CACNA2D1: variants seen among roughly 807,000 people sequenced by gnomAD.
The protein encoded by CACNA2D1 is voltage-dependent calcium channel subunit alpha-2/delta-1.
Under a neutral mutation model 171.5 loss-of-function variants are expected in CACNA2D1, and 53 were observed. The observed-to-expected ratio is 0.31, with a 90% CI of 0.25 to 0.39. The LOEUF is 0.39. Ranked by LOEUF, CACNA2D1 falls within the 10% of genes least tolerant of loss-of-function variation. The pLI is 1.00. For missense variants in CACNA2D1, 903 were observed against 1,299.8 expected, an observed-to-expected ratio of 0.69 and a Z score of 4.69; for synonymous variants, 442 against 443.1, an observed-to-expected ratio of 1.00 and a Z score of 0.03.
intron 3 of CACNA2D1, among the ~76,000 whole-genome samples, chr7:82,295,979 A>T (rs1812229477): frequency 1.3e-5 from 2 of 152,002 alleles, no homozygotes; most frequent in South Asian, 4.2e-4. Context: ...TGAAATTGGA[A>T]ATCATCATTC....
intron 1 of CACNA2D1, among the ~76,000 whole-genome samples, chr7:82,420,903 T>A (rs1828660761): frequency 6.6e-6 from 1 of 152,082 alleles, no homozygotes; most frequent in South Asian, 2.1e-4. Context: ...GGATAACACA[T>A]AACCATCTTT....
In CACNA2D1 at chr7:82,318,361, A is replaced by G. The variant is rs143406205; in HGVS notation, c.294+16774T>C. ...CAGAGTTTCCCCAAAACACTCCTAA[A>G]ATATACTCACTTATGAGTATAAAAG... is the stretch of plus-strand genomic sequence containing the variant. On this transcript the variant is annotated intron_variant, in intron 3 of 38. Coordinates refer to ENST00000356860, the MANE Select transcript of CACNA2D1 (RefSeq NM_000722.4). Among the ~76,000 whole-genome samples the G allele has an allele frequency of 4.2e-3, 645 of 152,288 alleles. 2 individuals are homozygous for G. The highest frequency in any genetic ancestry group is 0.015 in the African/African-American group (625 of 41,558).
At chr7:82,363,254 C>CTCTT (rs1821286522) in intron 1 of CACNA2D1, among the ~76,000 whole-genome samples, 5 of 63,432 alleles carry the variant, frequency 7.9e-5, no homozygotes, top group African/African-American at 4.2e-4. Context: ...TTATTTGTCT[C>CTCTT]TTTTTTTTTT....
At chr7:81,955,120 C>A (rs1226730313) in intron 38 of CACNA2D1, among the ~76,000 whole-genome samples, 2 of 152,072 alleles carry the variant, frequency 1.3e-5, no homozygotes, top group Non-Finnish European at 2.9e-5. Context: ...AACTTGTTAT[C>A]AAAAAGTCTT....
intron 20 of CACNA2D1, among the ~76,000 whole-genome samples, chr7:81,992,001 AT>A (rs11365736): frequency 0.48 from 66,195 of 138,744 alleles, 15,802 homozygotes; most frequent in African/African-American, 0.63. Context: ...CGCCTGGCTC[AT>A]TTTTTTTTTT....
chr7:82,174,557 C>T (rs184015751), intron 3 of CACNA2D1, among the ~76,000 whole-genome samples: 1 of 152,136 alleles, frequency 6.6e-6, no homozygotes, highest in Non-Finnish European at 1.5e-5. Flanking sequence ...CTTTCTGACT[C>T]CAAAGCTTAT....
intron 12 of CACNA2D1, among the ~76,000 whole-genome samples, chr7:82,031,780 C>T (rs1239950098): frequency 6.6e-6 from 1 of 151,796 alleles, no homozygotes; most frequent in Non-Finnish European, 1.5e-5. Flanking sequence ...TTTTCAACAC[C>T]CAATCCATGT....
intron 10 of CACNA2D1, among the ~76,000 whole-genome samples, chr7:82,051,674 ACATTT>A (rs1390494036): frequency 6.6e-6 from 1 of 152,194 alleles, no homozygotes; most frequent in Non-Finnish European, 1.5e-5. Context: ...CAATCCATAT[ACATTT>A]TCCCATCATC....
At chr7:82,136,537 T>TCCTAAAAA in intron 5 of CACNA2D1, 98 bp downstream of exon 5, 1 of 827,988 alleles carries the variant, frequency 1.2e-6, no homozygotes, top group Non-Finnish European at 1.9e-6. Context: ...TCTAACATTG[T>TCCTAAAAA]CTTAAAAACT....
intron 3 of CACNA2D1, among the ~76,000 whole-genome samples, chr7:82,200,221 T>A: frequency 6.6e-6 from 1 of 152,060 alleles, no homozygotes; most frequent in East Asian, 1.9e-4. Context: ...GTAGAATATA[T>A]TGTTTAGCAA....
intron 3 of CACNA2D1, among the ~76,000 whole-genome samples, chr7:82,236,459 G>A (rs1020498397): frequency 1.3e-5 from 2 of 151,984 alleles, no homozygotes; most frequent in African/African-American, 2.4e-5. Context: ...TCTCCTACAC[G>A]TTTTTCAAAA....
chr7:82,190,335 T>G (rs1447371865), intron 3 of CACNA2D1, among the ~76,000 whole-genome samples: 2 of 151,768 alleles, frequency 1.3e-5, no homozygotes, highest in Non-Finnish European at 3.0e-5. Flanking sequence ...ATAATTGTAT[T>G]AACTATGAAT....
At chr7:82,264,410 T>C (rs1214921209) in intron 3 of CACNA2D1, among the ~76,000 whole-genome samples, 1 of 136,588 alleles carries the variant, frequency 7.3e-6, no homozygotes. Context: ...TAAATGTAAA[T>C]GGTCACAATG....
intron 10 of CACNA2D1, among the ~76,000 whole-genome samples, chr7:82,052,034 A>G (rs1432546127): frequency 1.3e-5 from 2 of 152,240 alleles, no homozygotes; most frequent in African/African-American, 4.8e-5. Flanking sequence ...ATTTTTAAAA[A>G]GAATGAAAGA....
At chr7:82,110,768 A>T (rs895639426) in intron 6 of CACNA2D1, among the ~76,000 whole-genome samples, 2 of 152,168 alleles carry the variant, frequency 1.3e-5, no homozygotes, top group Non-Finnish European at 2.9e-5. Context: ...ACAGACTTCA[A>T]TTACAAAATT....
intron 3 of CACNA2D1, among the ~76,000 whole-genome samples, chr7:82,271,941 T>C (rs1808693738): frequency 6.6e-6 from 1 of 152,094 alleles, no homozygotes; most frequent in Non-Finnish European, 1.5e-5. Context: ...CCTGAATCTA[T>C]TTCAACTTTT....
chr7:82,118,341 T>G (rs1789318746), intron 5 of CACNA2D1, among the ~76,000 whole-genome samples: 1 of 152,156 alleles, frequency 6.6e-6, no homozygotes. Context: ...CAAAACAGGT[T>G]TTAACTCTAC....
intron 3 of CACNA2D1, among the ~76,000 whole-genome samples, chr7:82,182,507 T>C (rs1391666223): frequency 6.6e-6 from 1 of 151,572 alleles, no homozygotes; most frequent in African/African-American, 2.4e-5. Context: ...CTGTAAAATG[T>C]AGTATAATAG....
Position 82,228,072 on chromosome 7 carries a change from AT to A in CACNA2D1, c.295-57464del, listed in dbSNP as rs1396506898. On this transcript the variant is annotated intron_variant, in intron 3 of 38. Coordinates refer to ENST00000356860, the MANE Select transcript of CACNA2D1 (RefSeq NM_000722.4). ...TACATTATATGGCAACGGCAAAGGG[AT>A]TTTTGCAGATGTAATTAAGGTTCCT... 2.0e-5 allele frequency among the ~76,000 whole-genome samples: 3 copies of A among 152,176 alleles called. No homozygotes were observed. In the East Asian group the frequency reaches 5.8e-4, roughly 29 times the overall value.
Sources: gnomAD v4.1 joint callset for allele counts (sites outside exome capture counted in the v4.1 genomes callset) on GRCh38, gnomAD v4.1.1 for gene constraint, MANE v1.5 for transcripts, NCBI Gene and HGNC (gene_info 2026-07-23, HGNC 2026-07-21) for gene names.